The following CELF4 variants were observed in gnomAD, a reference collection of about 807,000 sequenced individuals.
The protein encoded by CELF4 is CUGBP Elav-like family member 4.
CELF4 carries 18 observed loss-of-function variants against 59.9 expected under a neutral mutation model. That is an observed-to-expected ratio of 0.30 (90% confidence interval 0.21 to 0.45). The LOEUF is 0.45. CELF4 is among the 20% of genes least tolerant of loss of function. CELF4 has a pLI of 1.00. For missense variants in CELF4, 456 were observed against 689.0 expected (o/e 0.66, Z 3.79); for synonymous variants, 261 against 267.1 (o/e 0.98, Z 0.22).
At chr18:37,449,399 C>G (rs2099756943) in intron 2 of CELF4, among the ~76,000 whole-genome samples, 1 of 152,150 alleles carries the variant, frequency 6.6e-6, no homozygotes. Context: ...GGAGCTTGAT[C>G]TCAACTCTGC....
chr18:37,387,234 C>T lies in CELF4; in HGVS notation c.370-65353G>A, dbSNP rs559947915. Among the ~76,000 whole-genome samples, 96 of 152,390 alleles carry T rather than the reference C, an allele frequency of 6.3e-4. 1 individual carries two copies. Among genetic ancestry groups the T allele is most frequent in the South Asian group, 5.2e-3 (25 of 4,830 alleles). On this transcript the variant is annotated intron_variant, in intron 2 of 12. Coordinates refer to ENST00000420428, the MANE Select transcript of CELF4 (RefSeq NM_020180.4). The stretch of plus-strand genomic sequence containing the variant: ...GCCTTTTCCCGGCAACCAGGGCCAT[C>T]CCGAGTGGGGGGCTGGGCCAACTGA...
At chr18:37,561,831 C>T (rs1323487855) in intron 1 of CELF4, among the ~76,000 whole-genome samples, 1 of 152,202 alleles carries the variant, frequency 6.6e-6, no homozygotes. Context: ...AGGAATTCAT[C>T]TCTTTTCTCT....
At chr18:37,429,952 C>T (rs1267919580) in intron 2 of CELF4, among the ~76,000 whole-genome samples, 1 of 152,236 alleles carries the variant, frequency 6.6e-6, no homozygotes, top group African/African-American at 2.4e-5. Flanking sequence ...CAGCTCCAAT[C>T]TGTCTCCTGA....
intron 3 of CELF4, among the ~76,000 whole-genome samples, chr18:37,317,443 G>A (rs2096907412): frequency 6.6e-6 from 1 of 152,208 alleles, no homozygotes; most frequent in South Asian, 2.1e-4. Flanking sequence ...CTCAGTCAGT[G>A]TTCTGTAAAT....
rs1490534302 is a variant in CELF4 at position 37,254,136 on chromosome 18, C to T, written c.1334-198G>A. On this transcript the variant is annotated intron_variant, in intron 11 of 12. Transcript: ENST00000420428. This position sits in a 1 kb window ranked among gnomAD's most constrained non-coding sequence, Gnocchi z 5.1. ...AGGCCCCTCCGGGGGCAGGCGCTGG[C>T]GGGGACCCGGCTCGCTGACCTGCGC... 2.0e-5 allele frequency among the ~76,000 whole-genome samples: 3 copies of T among 150,488 alleles called. No homozygotes were observed. Among genetic ancestry groups the T allele is most frequent in the Admixed American group, 6.6e-5 (1 of 15,146 alleles).
At chr18:37,562,829 A>T (rs2154606350) in intron 1 of CELF4, among the ~76,000 whole-genome samples, 1 of 152,270 alleles carries the variant, frequency 6.6e-6, no homozygotes, top group Admixed American at 6.5e-5. Flanking sequence ...ACTGTTAGGG[A>T]CATTGTGGTC....
At chr18:37,403,184 A>T (rs2099349911) in intron 2 of CELF4, among the ~76,000 whole-genome samples, 1 of 152,126 alleles carries the variant, frequency 6.6e-6, no homozygotes, top group African/African-American at 2.4e-5. Flanking sequence ...AGGGCGGGCC[A>T]GCCAGCAGTC....
At position 37,280,340 on chromosome 18, in the gene CELF4, G is replaced by A. The variant is rs192515732; in HGVS notation, c.449-5097C>T. On this transcript the variant is annotated intron_variant, in intron 3 of 12. Transcript: ENST00000420428. ...GATTGAGCACTCACTGTGTGCCTGG[G>A]AATTGTTAGAACAGAGGATCTGAGA... 2.0e-3 allele frequency among the ~76,000 whole-genome samples: 307 copies of A among 152,298 alleles called. 4 individuals carry two copies. The highest frequency in any genetic ancestry group is 5.0e-4 in the Non-Finnish European group (34 of 68,028).
chr18:37,427,197 T>G (rs2099619858), intron 2 of CELF4, among the ~76,000 whole-genome samples: 1 of 152,108 alleles, frequency 6.6e-6, no homozygotes, highest in Non-Finnish European at 1.5e-5. Flanking sequence ...AAAGCAGATG[T>G]GCAGGATTGC....
At chr18:37,403,177 G>A (rs1384642559) in intron 2 of CELF4, among the ~76,000 whole-genome samples, 1 of 152,030 alleles carries the variant, frequency 6.6e-6, no homozygotes, top group Non-Finnish European at 1.5e-5. Context: ...TTGGGGGAGG[G>A]CGGGCCAGCC....
At chr18:37,363,736 A>G (rs533835535) in intron 2 of CELF4, among the ~76,000 whole-genome samples, 1 of 152,280 alleles carries the variant, frequency 6.6e-6, no homozygotes, top group East Asian at 1.9e-4. Context: ...TGAGCTTGCT[A>G]TCCTGCAGTG....
chr18:37,501,454 G>T (rs528364109), intron 1 of CELF4, among the ~76,000 whole-genome samples: 1 of 152,238 alleles, frequency 6.6e-6, no homozygotes, highest in Non-Finnish European at 1.5e-5. Flanking sequence ...ATCATTAAGT[G>T]TCTGGGGTAT....
At chr18:37,543,664 A>G (rs1480420091) in intron 1 of CELF4, among the ~76,000 whole-genome samples, 1 of 152,198 alleles carries the variant, frequency 6.6e-6, no homozygotes, top group East Asian at 1.9e-4. Flanking sequence ...CTTCACAGTC[A>G]TTATCTCTGG....
chr18:37,456,625 C>G (rs561128269), intron 2 of CELF4, among the ~76,000 whole-genome samples: 1 of 152,100 alleles, frequency 6.6e-6, no homozygotes, highest in Non-Finnish European at 1.5e-5. Context: ...TCCTTTGGGT[C>G]GAAATTAGGA....
intron 2 of CELF4, among the ~76,000 whole-genome samples, chr18:37,457,380 T>G (rs2099781257): frequency 6.6e-6 from 1 of 152,124 alleles, no homozygotes; most frequent in Non-Finnish European, 1.5e-5. Flanking sequence ...AGTCAGCTCT[T>G]TCTGGGACCC....
At chr18:37,515,599 G>A (rs750846461) in intron 1 of CELF4, among the ~76,000 whole-genome samples, 6 of 152,322 alleles carry the variant, frequency 3.9e-5, no homozygotes, top group East Asian at 1.9e-4. Flanking sequence ...CTCCCTACTC[G>A]TGGAGCTCAC....
chr18:37,421,419 C>T (rs969082914), intron 2 of CELF4, among the ~76,000 whole-genome samples: 1 of 152,234 alleles, frequency 6.6e-6, no homozygotes, highest in African/African-American at 2.4e-5. Flanking sequence ...ACACCCTGGG[C>T]TCCGCACAGC....
At chr18:37,354,314 C>G (rs766124606) in intron 2 of CELF4, among the ~76,000 whole-genome samples, 2 of 152,056 alleles carry the variant, frequency 1.3e-5, no homozygotes, top group Non-Finnish European at 2.9e-5. Context: ...ACAAGCTCAG[C>G]CTTGCTCCAG....
At chr18:37,529,945 G>A (rs2154605012) in intron 1 of CELF4, among the ~76,000 whole-genome samples, 1 of 152,256 alleles carries the variant, frequency 6.6e-6, no homozygotes, top group East Asian at 1.9e-4. Context: ...ATGGTCCTTG[G>A]ATTGTTTTGC....
Sources: gnomAD v4.1 joint callset for allele counts (sites outside exome capture counted in the v4.1 genomes callset) on GRCh38, gnomAD v4.1.1 for gene constraint, Gnocchi (gnomAD v3.1) non-coding constraint, MANE v1.5 for transcripts, NCBI Gene and HGNC (gene_info 2026-07-23, HGNC 2026-07-21) for gene names.